Variants in HNRNPA1L2 observed in about 807,000 individuals in gnomAD.
HNRNPA1L2 encodes the protein heterogeneous nuclear ribonucleoprotein A1-like 2.
A neutral mutation model predicts 18.2 loss-of-function variants in HNRNPA1L2; 10 were observed. That is an observed-to-expected ratio of 0.55 (90% CI 0.34 to 0.93). The LOEUF is 0.93. Among genes scored for constraint, HNRNPA1L2 ranks in the 40% least tolerant of loss-of-function variants. HNRNPA1L2 has a pLI of 0.02. For missense variants in HNRNPA1L2, 308 were observed against 394.4 expected, an observed-to-expected ratio of 0.78 and a Z score of 1.85; for synonymous variants, 124 against 138.6, an observed-to-expected ratio of 0.89 and a Z score of 0.74.
chr13:52,632,115 CA>C, the HNRNPA1L2 span, among the ~76,000 whole-genome samples: 1 of 151,806 alleles, frequency 6.6e-6, no homozygotes. Flanking sequence ...TAATTTTTCA[CA>C]ACATGGAGTT....
At chr13:52,636,087 G>A in the HNRNPA1L2 span, among the ~76,000 whole-genome samples, 13 of 151,936 alleles carry the variant, frequency 8.6e-5, no homozygotes, top group Non-Finnish European at 1.8e-4. Flanking sequence ...TGCCCGCCTC[G>A]GCCTCCCAAA....
chr13:52,639,039 G>C (rs1961555117), upstream of HNRNPA1L2, among the ~76,000 whole-genome samples: 4 of 152,178 alleles, frequency 2.6e-5, no homozygotes, highest in Admixed American at 2.0e-4. Context: ...CATGGTATCT[G>C]GCATAGTGCC....
the HNRNPA1L2 span, among the ~76,000 whole-genome samples, chr13:52,637,006 T>G: frequency 6.6e-6 from 1 of 152,172 alleles, no homozygotes; most frequent in Admixed American, 6.5e-5. Context: ...TAATTTTTTG[T>G]ATTTTAAGTA....
the HNRNPA1L2 span, among the ~76,000 whole-genome samples, chr13:52,624,357 C>A: frequency 1.3e-5 from 2 of 152,160 alleles, no homozygotes; most frequent in African/African-American, 4.8e-5. Context: ...TGTGATCCAC[C>A]CTCCTCGGCC....
chr13:52,618,871 T>C, the HNRNPA1L2 span, among the ~76,000 whole-genome samples: 3 of 152,210 alleles, frequency 2.0e-5, no homozygotes, highest in Non-Finnish European at 4.4e-5. Flanking sequence ...TGGAGTTACT[T>C]ATACATAATT....
chr13:52,630,469 T>C, the HNRNPA1L2 span, among the ~76,000 whole-genome samples: 10 of 152,056 alleles, frequency 6.6e-5, no homozygotes, highest in Non-Finnish European at 1.3e-4. Flanking sequence ...GAGACAGGGT[T>C]TCACCATGTT....
chr13:52,634,565 G>A, the HNRNPA1L2 span, among the ~76,000 whole-genome samples: 3 of 152,256 alleles, frequency 2.0e-5, no homozygotes, highest in East Asian at 5.8e-4. Flanking sequence ...CTTAAATTTA[G>A]CAATTTTTCA....
At chr13:52,618,740 G>T in the HNRNPA1L2 span, among the ~76,000 whole-genome samples, 3 of 152,198 alleles carry the variant, frequency 2.0e-5, no homozygotes, top group African/African-American at 7.2e-5. Context: ...TGGAAAATCA[G>T]TCTGAAAGGG....
the HNRNPA1L2 span, among the ~76,000 whole-genome samples, chr13:52,636,780 C>G: frequency 1.3e-4 from 20 of 152,212 alleles, no homozygotes; most frequent in African/African-American, 4.8e-4. Flanking sequence ...GATTACCTGG[C>G]ATTGTTGTAA....
the HNRNPA1L2 span, among the ~76,000 whole-genome samples, chr13:52,634,130 C>T: frequency 6.6e-6 from 1 of 152,254 alleles, no homozygotes; most frequent in East Asian, 1.9e-4. Flanking sequence ...GCTAAAAGAA[C>T]AACCCCCTGT....
chr13:52,625,432 G>GT, the HNRNPA1L2 span, among the ~76,000 whole-genome samples: 1 of 152,056 alleles, frequency 6.6e-6, no homozygotes, highest in African/African-American at 2.4e-5. Flanking sequence ...ACTTTAACAA[G>GT]TTCTCATTAC....
Position 52,642,560 on chromosome 13 carries a change from T to C in HNRNPA1L2, c.68T>C (p.Phe23Ser). ...LRKLFIGGLS[F>S]ETTDESLRSH... ...AAGCTCTTCATTGGAGGGTTGAGCT[T>C]TGAAACAACTGATGAGAGCCTGAGG... The change falls in exon 1 of 1, where the codon TTT becomes TCT. Residue 23 changes from phenylalanine (F) to serine (S), a missense_variant. By Grantham distance (155) the Phe-to-Ser change is radical. Transcript: ENST00000357495. 3 of 1,611,798 alleles carry C rather than the reference T, an allele frequency of 1.9e-6. No homozygotes were observed. The highest frequency in any genetic ancestry group is 2.5e-6 in the Non-Finnish European group (3 of 1,179,834).
At chr13:52,635,479 G>A in the HNRNPA1L2 span, among the ~76,000 whole-genome samples, 24 of 152,034 alleles carry the variant, frequency 1.6e-4, no homozygotes, top group East Asian at 1.9e-3. Flanking sequence ...GCAAGGAACT[G>A]CACACATTTA....
the HNRNPA1L2 span, among the ~76,000 whole-genome samples, chr13:52,636,090 C>T: frequency 6.6e-6 from 1 of 152,130 alleles, no homozygotes; most frequent in Non-Finnish European, 1.5e-5. Flanking sequence ...CCGCCTCGGC[C>T]TCCCAAAGTG....
the HNRNPA1L2 span, among the ~76,000 whole-genome samples, chr13:52,618,078 T>G: frequency 3.2e-4 from 48 of 152,324 alleles, no homozygotes; most frequent in Middle Eastern, 0.01. Flanking sequence ...GTACTGGTCA[T>G]AAACCCCAAG....
At chr13:52,634,035 T>C in the HNRNPA1L2 span, among the ~76,000 whole-genome samples, 1 of 152,202 alleles carries the variant, frequency 6.6e-6, no homozygotes, top group African/African-American at 2.4e-5. Flanking sequence ...AAATTCTTTT[T>C]TGAAGAAACT....
chr13:52,628,332 A>C, the HNRNPA1L2 span, among the ~76,000 whole-genome samples: 1,638 of 152,262 alleles, frequency 0.011, 30 homozygotes, highest in African/African-American at 0.037. Flanking sequence ...AGTTCTAGCT[A>C]CTTTGGGGGC....
the HNRNPA1L2 span, among the ~76,000 whole-genome samples, chr13:52,629,671 A>G: frequency 0.075 from 11,454 of 152,272 alleles, 569 homozygotes; most frequent in African/African-American, 0.14. Flanking sequence ...AGTATTTTGT[A>G]AGAAACATTA....
the HNRNPA1L2 span, among the ~76,000 whole-genome samples, chr13:52,636,982 C>T: frequency 1.3e-5 from 2 of 152,158 alleles, no homozygotes; most frequent in African/African-American, 4.8e-5. Context: ...CAGGCACACA[C>T]CACTGTGCCC....
Sources: allele counts gnomAD v4.1 joint callset (sites outside exome capture counted in the v4.1 genomes callset), GRCh38; gene constraint gnomAD v4.1.1; transcripts MANE v1.5; gene names NCBI Gene and HGNC (gene_info 2026-07-23, HGNC 2026-07-21).